MSL2: variants seen among roughly 807,000 people sequenced by gnomAD.
MSL2 encodes E3 ubiquitin-protein ligase MSL2.
In MSL2, 2 loss-of-function variants were observed where a neutral mutation model predicts 35.8. The observed-to-expected ratio is 0.06, with a 90% CI of 0.02 to 0.18. MSL2 has a LOEUF of 0.18. Ranked by LOEUF, MSL2 falls within the 10% of genes least tolerant of loss-of-function variation. The pLI is 1.00. For missense variants in MSL2, 523 were observed against 706.7 expected (o/e 0.74, Z 2.95); for synonymous variants, 296 against 255.7 (o/e 1.16, Z -1.50).
intron 1 of MSL2, among the ~76,000 whole-genome samples, chr3:136,181,748 G>A (rs1282159454): frequency 3.3e-5 from 5 of 151,580 alleles, no homozygotes; most frequent in African/African-American, 4.9e-5. Context: ...GTGAAATCCC[G>A]TATCTACTAA....
chr3:136,157,877 G>A (rs1939578298), intron 1 of MSL2, among the ~76,000 whole-genome samples: 1 of 152,134 alleles, frequency 6.6e-6, no homozygotes, highest in Non-Finnish European at 1.5e-5. Context: ...GAAGACTCCA[G>A]GGCTAAATGC....
At chr3:136,160,616 A>T (rs907193121) in intron 1 of MSL2, among the ~76,000 whole-genome samples, 1 of 151,832 alleles carries the variant, frequency 6.6e-6, no homozygotes, top group Admixed American at 6.6e-5. Context: ...AGGCTGAGGC[A>T]GGAGAATCGC....
At chr3:136,169,212 T>TTTG (rs34080158) in intron 1 of MSL2, among the ~76,000 whole-genome samples, 9,463 of 87,218 alleles carry the variant, frequency 0.11, 1,214 homozygotes, top group Non-Finnish European at 0.17. Context: ...ATGGCTTGTT[T>TTTG]TTGTTGTTGT....
rs1415765046 is a variant in MSL2 at position 136,195,015 on chromosome 3, C to T, written c.99G>A (p.Arg33=). The change falls in exon 1 of 2, where the codon AGG becomes AGA. Residue 33 remains arginine (R), a synonymous_variant. Transcript: ENST00000309993. ...GDPKAFTEIN[R]LLPYFRQSLS... ...GGGACTGTCGGAAGTAAGGCAAGAG[C>T]CTGTTAATCTCAGTAAACGCCTTGG... 6.2e-7 allele frequency: 1 copy of T among 1,613,958 alleles called. No individual in the cohort carries two copies. The highest frequency in any genetic ancestry group is 1.3e-5 in the African/African-American group (1 of 74,992).
chr3:136,180,771 AG>A (rs1559969140), intron 1 of MSL2, among the ~76,000 whole-genome samples: 5 of 39,468 alleles, frequency 1.3e-4, no homozygotes, highest in South Asian at 1.8e-3. Flanking sequence ...GGAGGGAGGG[AG>A]GGAGGGAGGG....
rs1476244278 is a variant in MSL2 at position 136,181,438 on chromosome 3, T to TACC, written c.142+13531_142+13533dup. ...ATGCTCATTTGACATCTCTTCACATTACCTCATTTTAAAGGAAGATAAACA... is the reference window on the plus strand; with the variant it reads ...ATGCTCATTTGACATCTCTTCACATTACCACCTCATTTTAAAGGAAGATAAACA... On this transcript the variant is annotated intron_variant, in intron 1 of 1. Transcript: ENST00000309993. 9.3e-4 allele frequency among the ~76,000 whole-genome samples: 142 copies of TACC among 152,308 alleles called. 3 individuals are homozygous for TACC. The highest frequency in any genetic ancestry group is 9.1e-3 in the Admixed American group (139 of 15,296).
intron 1 of MSL2, among the ~76,000 whole-genome samples, chr3:136,161,921 G>GAA (rs112759131): frequency 1.6e-4 from 24 of 151,144 alleles, no homozygotes; most frequent in Non-Finnish European, 3.4e-4. Flanking sequence ...GATAGGAAGG[G>GAA]AAAAAAATAC....
intron 1 of MSL2, among the ~76,000 whole-genome samples, chr3:136,168,930 TATACAGAAGAAA>T (rs1388645152): frequency 9.2e-5 from 14 of 151,960 alleles, no homozygotes; most frequent in African/African-American, 2.9e-4. Context: ...TACAATCATA[TATACAGAAGAAA>T]ATACAGAAGA....
intron 1 of MSL2, among the ~76,000 whole-genome samples, chr3:136,160,637 G>A (rs2108066970): frequency 6.6e-6 from 1 of 151,490 alleles, no homozygotes; most frequent in South Asian, 2.1e-4. Flanking sequence ...TTGAACTCAG[G>A]AGGCGGAGGT....
Position 136,195,804 on chromosome 3 carries a change from G to A in MSL2, c.-691C>T. 1.0e-6 allele frequency: 1 copy of A among 985,076 alleles called. No homozygotes were observed. Among genetic ancestry groups the A allele is most frequent in the Non-Finnish European group, 1.2e-6 (1 of 829,828 alleles). The allele number at this position is 985,076 out of a possible 1,614,324, so 61.0% of individuals were successfully genotyped here. ...GCAGTTCCCCGAGGTGGCGAGGCGGGCGGGAGTCCTCAACCCGGAGGGGAA... is the reference window on the plus strand; with the variant it reads ...GCAGTTCCCCGAGGTGGCGAGGCGGACGGGAGTCCTCAACCCGGAGGGGAA... On this transcript the variant is annotated 5_prime_UTR_variant, in exon 1 of 2. Transcript: ENST00000309993.
intron 1 of MSL2, among the ~76,000 whole-genome samples, chr3:136,168,450 T>C (rs1329667489): frequency 1.3e-5 from 2 of 152,200 alleles, no homozygotes; most frequent in Admixed American, 1.3e-4. Flanking sequence ...GATGAGTTCA[T>C]ATCCTTTGCA....
chr3:136,191,211 G>A (rs1219521664), intron 1 of MSL2, among the ~76,000 whole-genome samples: 1 of 152,164 alleles, frequency 6.6e-6, no homozygotes, highest in African/African-American at 2.4e-5. Context: ...GCTCACACCT[G>A]TAATCCCAGC....
intron 1 of MSL2, among the ~76,000 whole-genome samples, chr3:136,178,989 T>TTTTC (rs1553766940): frequency 2.0e-5 from 3 of 146,538 alleles, no homozygotes; most frequent in African/African-American, 7.6e-5. Context: ...CTTTTTTTTT[T>TTTTC]TTTTTTTTTT....
At chr3:136,161,336 C>T (rs903116812) in intron 1 of MSL2, among the ~76,000 whole-genome samples, 12 of 152,110 alleles carry the variant, frequency 7.9e-5, no homozygotes, top group African/African-American at 2.2e-4. Flanking sequence ...ACAAATTTAC[C>T]ATAGAAACCA....
At chr3:136,194,852 C>G in intron 1 of MSL2, 120 bp downstream of exon 1, 1 of 1,461,146 alleles carries the variant, frequency 6.8e-7, no homozygotes. Flanking sequence ...GACCGTACAG[C>G]GCTGCACAAA....
At chr3:136,193,839 T>C (rs1482204560) in intron 1 of MSL2, among the ~76,000 whole-genome samples, 1 of 152,208 alleles carries the variant, frequency 6.6e-6, no homozygotes, top group African/African-American at 2.4e-5. Context: ...GTTACTTAAA[T>C]GTTTATGACC....
At chr3:136,162,660 CTG>C (rs1939741908) in intron 1 of MSL2, among the ~76,000 whole-genome samples, 4 of 152,182 alleles carry the variant, frequency 2.6e-5, no homozygotes, top group Admixed American at 2.6e-4. Flanking sequence ...TGAGTTTAAT[CTG>C]TCTTATAGAT....
At chr3:136,160,670 T>C (rs977106357) in intron 1 of MSL2, among the ~76,000 whole-genome samples, 1 of 147,488 alleles carries the variant, frequency 6.8e-6, no homozygotes, top group Non-Finnish European at 1.5e-5. Flanking sequence ...GACCATGCCA[T>C]TGCACTCCAG....
chr3:136,169,045 A>G (rs936368943), intron 1 of MSL2, among the ~76,000 whole-genome samples: 11 of 152,084 alleles, frequency 7.2e-5, no homozygotes, highest in African/African-American at 2.7e-4. Context: ...CAGGATGGTA[A>G]CTTAAGCAAT....
Sources: allele counts gnomAD v4.1 joint callset (sites outside exome capture counted in the v4.1 genomes callset), GRCh38; gene constraint gnomAD v4.1.1; transcripts MANE v1.5; gene names NCBI Gene and HGNC (gene_info 2026-07-23, HGNC 2026-07-21).